Variants in HS3ST4 observed in about 807,000 individuals in gnomAD.
HS3ST4 encodes the protein heparan sulfate glucosamine 3-O-sulfotransferase 4.
HS3ST4 carries 17 observed loss-of-function variants against 29.2 expected under a neutral mutation model. The ratio of observed to expected loss-of-function variants is 0.58; its 90% CI spans 0.40 to 0.87. The LOEUF (loss-of-function observed/expected upper bound fraction) is 0.87, where lower values mean the gene tolerates loss of function less well. Ranked by LOEUF, HS3ST4 falls within the 40% of genes least tolerant of loss-of-function variation. HS3ST4 has a pLI of 0.00. For synonymous variants in HS3ST4, 314 were observed against 285.7 expected (o/e 1.10, Z -1.00); for missense variants, 627 against 634.5 (o/e 0.99, Z 0.13).
intron 1 of HS3ST4, among the ~76,000 whole-genome samples, chr16:26,090,517 G>A (rs990785606): frequency 1.8e-4 from 27 of 151,772 alleles, no homozygotes; most frequent in African/African-American, 6.5e-4. Flanking sequence ...ATTTCCCATG[G>A]GAGTGGGCTC....
intron 1 of HS3ST4, among the ~76,000 whole-genome samples, chr16:25,994,392 TC>T (rs1298263359): frequency 1.3e-5 from 2 of 152,168 alleles, no homozygotes; most frequent in Non-Finnish European, 2.9e-5. Flanking sequence ...CTCTTTATTT[TC>T]CCATTTCATC....
rs575811000 is a variant in HS3ST4 at position 25,754,236 on chromosome 16, A to C, written c.734+61085A>C. ...ACTTACATAAAGCCAGAGTGTCTAG[A>C]CTAATCCATGGCAGCTCTATTTAAG... On this transcript the variant is annotated intron_variant, in intron 1 of 1. Coordinates refer to ENST00000331351, the MANE Select transcript of HS3ST4 (RefSeq NM_006040.3). 1.4e-4 allele frequency among the ~76,000 whole-genome samples: 21 copies of C among 152,266 alleles called. No homozygotes were observed. The East Asian group carries it at 3.9e-3, about 28-fold the overall frequency.
At chr16:25,801,978 CTT>C (rs58964023) in intron 1 of HS3ST4, among the ~76,000 whole-genome samples, 13 of 137,220 alleles carry the variant, frequency 9.5e-5, no homozygotes, top group African/African-American at 2.7e-5. Context: ...CAAATATTTT[CTT>C]TTTTTTTTTT....
chr16:25,927,792 A>T lies in HS3ST4; in HGVS notation c.735-207820A>T, dbSNP rs145439471. ...CCATTCCTTTCTCCATTCATCCATCAATTCAGAAAGTGGCTATTGAGCACC... is the reference window on the plus strand; with the variant it reads ...CCATTCCTTTCTCCATTCATCCATCTATTCAGAAAGTGGCTATTGAGCACC... On this transcript the variant is annotated intron_variant, in intron 1 of 1. Coordinates refer to ENST00000331351, the MANE Select transcript of HS3ST4 (RefSeq NM_006040.3). Among the ~76,000 whole-genome samples, 1,112 of 152,076 alleles carry T rather than the reference A, an allele frequency of 7.3e-3. 3 individuals are homozygous for T. Among genetic ancestry groups the T allele is most frequent in the Non-Finnish European group, 0.013 (851 of 67,954 alleles).
intron 1 of HS3ST4, among the ~76,000 whole-genome samples, chr16:25,944,420 A>C (rs1968605826): frequency 1.3e-5 from 2 of 152,228 alleles, no homozygotes; most frequent in South Asian, 4.1e-4. Flanking sequence ...GGGGTTGGCC[A>C]TAGTGACTCC....
At chr16:25,864,023 G>A (rs943365231) in intron 1 of HS3ST4, among the ~76,000 whole-genome samples, 3 of 152,116 alleles carry the variant, frequency 2.0e-5, no homozygotes, top group South Asian at 2.1e-4. Flanking sequence ...CCGCCTCTTC[G>A]CCTCTTCGCG....
intron 1 of HS3ST4, among the ~76,000 whole-genome samples, chr16:26,029,295 C>CA (rs1209991994): frequency 6.6e-6 from 1 of 152,214 alleles, no homozygotes; most frequent in African/African-American, 2.4e-5. Context: ...TGAACAGCCA[C>CA]AGGGGCCCTG....
At chr16:25,791,735 A>G (rs1966869702) in intron 1 of HS3ST4, among the ~76,000 whole-genome samples, 2 of 152,092 alleles carry the variant, frequency 1.3e-5, no homozygotes, top group African/African-American at 2.4e-5. Context: ...AATGATTTGG[A>G]TATTGGCCAG....
At chr16:25,898,956 G>A (rs944236949) in intron 1 of HS3ST4, among the ~76,000 whole-genome samples, 9 of 152,262 alleles carry the variant, frequency 5.9e-5, no homozygotes, top group Admixed American at 1.3e-4. Flanking sequence ...TAACAGCAGC[G>A]TCTTATTTTG....
intron 1 of HS3ST4, among the ~76,000 whole-genome samples, chr16:25,904,149 T>G (rs1281285646): frequency 1.4e-5 from 1 of 70,646 alleles, no homozygotes; most frequent in Non-Finnish European, 3.1e-5. Flanking sequence ...GATGGATGGA[T>G]GGATGAATGG....
intron 1 of HS3ST4, among the ~76,000 whole-genome samples, chr16:25,974,458 T>C (rs1968925359): frequency 6.6e-6 from 1 of 152,174 alleles, no homozygotes; most frequent in Admixed American, 6.5e-5. Flanking sequence ...AACTAAATGA[T>C]GCAAATTCCC....
In HS3ST4 at chr16:25,873,378, T is replaced by C. The variant is rs374155246; in HGVS notation, c.734+180227T>C. Among the ~76,000 whole-genome samples, 264 of 96,854 alleles carry C rather than the reference T, an allele frequency of 2.7e-3. 1 individual carries two copies. The highest frequency in any genetic ancestry group is 9.8e-3 in the African/African-American group (247 of 25,124). 63.5% of individuals were successfully genotyped at this position (96,854 alleles called of 152,430 possible). A position where few individuals can be genotyped will look rare whatever the true frequency, so the allele number is the denominator to read the frequency against. On this transcript the variant is annotated intron_variant, in intron 1 of 1. Transcript: ENST00000331351. ...TCCATCCACCTAGCAAGCCATCCAGTCATCCATCCATCCATCCATCCATCC... is the reference window on the plus strand; with the variant it reads ...TCCATCCACCTAGCAAGCCATCCAGCCATCCATCCATCCATCCATCCATCC...
At chr16:25,872,952 A>G (rs1283863665) in intron 1 of HS3ST4, among the ~76,000 whole-genome samples, 3 of 151,944 alleles carry the variant, frequency 2.0e-5, no homozygotes, top group African/African-American at 7.3e-5. Context: ...ACTCTTTCTC[A>G]TCTTTCTCAT....
chr16:25,809,116 C>T (rs528208544), intron 1 of HS3ST4, among the ~76,000 whole-genome samples: 12 of 152,134 alleles, frequency 7.9e-5, no homozygotes, highest in African/African-American at 2.2e-4. Flanking sequence ...ATGCCTACAA[C>T]GTCTAGTACT....
intron 1 of HS3ST4, among the ~76,000 whole-genome samples, chr16:25,894,795 C>T (rs920543516): frequency 2.0e-5 from 3 of 152,108 alleles, no homozygotes; most frequent in African/African-American, 4.8e-5. Flanking sequence ...CATGAGCCAC[C>T]GTGCCTGGTG....
intron 1 of HS3ST4, among the ~76,000 whole-genome samples, chr16:25,778,361 C>T (rs1966849549): frequency 6.6e-6 from 1 of 152,168 alleles, no homozygotes; most frequent in Non-Finnish European, 1.5e-5. Context: ...CTTTGAGCCT[C>T]CTACCTCCTG....
intron 1 of HS3ST4, among the ~76,000 whole-genome samples, chr16:25,950,861 T>C (rs2141696968): frequency 6.6e-6 from 1 of 152,262 alleles, no homozygotes; most frequent in East Asian, 1.9e-4. Context: ...GTGATGCCCC[T>C]TGACCAAGGC....
chr16:26,005,695 G>A (rs953471181), intron 1 of HS3ST4, among the ~76,000 whole-genome samples: 15 of 150,564 alleles, frequency 1.0e-4, no homozygotes, highest in Admixed American at 6.6e-4. Context: ...GGATAGCCAC[G>A]AGGGGATAAT....
chr16:25,731,590 C>T (rs2141593827), intron 1 of HS3ST4, among the ~76,000 whole-genome samples: 1 of 152,270 alleles, frequency 6.6e-6, no homozygotes, highest in South Asian at 2.1e-4. Flanking sequence ...ATCTTCCCAC[C>T]TTGGCTTCCC....
Sources: allele counts gnomAD v4.1 joint callset (sites outside exome capture counted in the v4.1 genomes callset), GRCh38; gene constraint gnomAD v4.1.1; transcripts MANE v1.5; gene names NCBI Gene and HGNC (gene_info 2026-07-23, HGNC 2026-07-21).